The following EIF3K variants were observed in gnomAD, a reference collection of about 807,000 sequenced individuals.
EIF3K encodes the protein eIF-3 p28.
In EIF3K, 27 loss-of-function variants were observed where a neutral mutation model predicts 34.2. That is an observed-to-expected ratio of 0.79 (90% CI 0.58 to 1.09). The LOEUF (loss-of-function observed/expected upper bound fraction) is 1.09, where lower values mean the gene tolerates loss of function less well. Among genes scored for constraint, EIF3K ranks in the 50% least tolerant of loss-of-function variants. The probability of loss-of-function intolerance (pLI) is 0.00; values close to 1 mark genes in which losing one functional copy is unlikely to be tolerated. For synonymous variants in EIF3K, 105 were observed against 105.7 expected (o/e 0.99, Z 0.04); for missense variants, 232 against 275.4 (o/e 0.84, Z 1.11).
chr19:38,632,543 A>T (rs1401921142), intron 5 of EIF3K, 47 bp downstream of exon 5: 9 of 1,613,438 alleles, frequency 5.6e-6, no homozygotes, highest in African/African-American at 1.3e-5. Context: ...AGGGGTAGGG[A>T]GTGGCAGCCA....
In EIF3K at chr19:38,620,454, G is replaced by A. The variant is rs1293100925; in HGVS notation, c.158+19G>A. ...TGAAGCTGTAAGTGTCTAGCTCTCT[G>A]TCTACACTCCCATTGCAGCAACTAG... On this transcript the variant is annotated intron_variant, in intron 2 of 7. Coordinates refer to ENST00000248342, the MANE Select transcript of EIF3K (RefSeq NM_013234.4). 4 of 1,607,638 alleles carry A rather than the reference G, an allele frequency of 2.5e-6. No homozygotes were observed. Among genetic ancestry groups the A allele is most frequent in the African/African-American group, 1.3e-5 (1 of 74,782 alleles).
At position 38,621,679 on chromosome 19, in the gene EIF3K, A is replaced by G. The variant is rs183019730; in HGVS notation, c.158+1244A>G. Among the ~76,000 whole-genome samples, 12 of 152,270 alleles carry G rather than the reference A, an allele frequency of 7.9e-5. 1 individual carries two copies. The highest frequency in any genetic ancestry group is 7.9e-4 in the Admixed American group (12 of 15,274). On this transcript the variant is annotated intron_variant, in intron 2 of 7. Transcript: ENST00000248342. The stretch of plus-strand genomic sequence containing the variant: ...CTCAGCTCAGGTTTCCCTGCTTTGA[A>G]CTTGATACAGATGGAGTGCATACAG...
chr19:38,627,814 T>C (rs1975980098), intron 4 of EIF3K, among the ~76,000 whole-genome samples: 1 of 152,110 alleles, frequency 6.6e-6, no homozygotes, highest in Non-Finnish European at 1.5e-5. Flanking sequence ...GCCAGCTATC[T>C]TGTGCTACAC....
rs141857623 is a variant in EIF3K at position 38,622,875 on chromosome 19, G to T, written c.159-1202G>T. 4.6e-3 allele frequency among the ~76,000 whole-genome samples: 706 copies of T among 152,350 alleles called. 22 individuals carry two copies. In the East Asian group the frequency reaches 0.09, roughly 19 times the overall value. ...TTGCTTTTGAAAGAAGAGAAATATG[G>T]CTCTGTTCTGCCCGGCTCACCGGCA... On this transcript the variant is annotated intron_variant, in intron 2 of 7. Transcript: ENST00000248342.
intron 4 of EIF3K, chr19:38,628,475 C>T (rs963569343): frequency 6.6e-6 from 1 of 152,526 alleles, no homozygotes; most frequent in Non-Finnish European, 1.5e-5. Context: ...TGGGCCTGAC[C>T]ATTAGCTCCA....
In EIF3K at chr19:38,626,064, G is replaced by A. The variant is rs766512679; in HGVS notation, c.316G>A (p.Gly106Arg). Residue 106 changes from glycine to arginine, a missense_variant, in exon 4 of 8, where the codon GGG becomes AGG. Gly to Arg is a moderately radical substitution (Grantham distance 125). Coordinates refer to ENST00000248342, the MANE Select transcript of EIF3K (RefSeq NM_013234.4). ...ERPIRQILYL[G>R]DLLETCHFQA... ...GCCAATCCGACAGATTTTGTACCTCGGGGACCTGCTGGAGACCTGCCATTT... is the reference window on the plus strand; with the variant it reads ...GCCAATCCGACAGATTTTGTACCTCAGGGACCTGCTGGAGACCTGCCATTT... 33 of 1,614,038 alleles carry A rather than the reference G, an allele frequency of 2.0e-5. No homozygotes were observed. Among genetic ancestry groups the A allele is most frequent in the African/African-American group, 4.0e-5 (3 of 74,918 alleles).
chr19:38,626,128 G>T, intron 4 of EIF3K, 26 bp downstream of exon 4: 1 of 1,606,838 alleles, frequency 6.2e-7, no homozygotes, highest in Non-Finnish European at 8.5e-7. Context: ...TCCAGGGGCA[G>T]GGGAGATGGC....
At chr19:38,625,710 A>T (rs190227033) in intron 3 of EIF3K, among the ~76,000 whole-genome samples, 112 of 151,474 alleles carry the variant, frequency 7.4e-4, no homozygotes, top group African/African-American at 2.5e-3. Context: ...GGGTTTCGCT[A>T]TGTTGGCCAG....
chr19:38,634,056 C>T (rs374053746), intron 6 of EIF3K, among the ~76,000 whole-genome samples: 2 of 140,594 alleles, frequency 1.4e-5, no homozygotes, highest in African/African-American at 2.6e-5. Flanking sequence ...GGATTACAGG[C>T]GTGAGCCGCT....
intron 7 of EIF3K, 23 bp from the exon 8 acceptor site, chr19:38,636,866 G>A (rs780375651): frequency 3.0e-5 from 48 of 1,614,022 alleles, no homozygotes; most frequent in Non-Finnish European, 3.5e-5. Flanking sequence ...CTCACCTTCA[G>A]TCTGGTCTCT....
intron 7 of EIF3K, among the ~76,000 whole-genome samples, chr19:38,636,288 G>T (rs1328516107): frequency 6.6e-6 from 1 of 152,166 alleles, no homozygotes; most frequent in Non-Finnish European, 1.5e-5. Context: ...CAGCCCTGCC[G>T]GGGGAGTAGA....
chr19:38,624,072 C>G lies in EIF3K; in HGVS notation c.159-5C>G, dbSNP rs1004236215. On this transcript the variant is annotated splice_region_variant and splice_polypyrimidine_tract_variant and intron_variant, in intron 2 of 7. Transcript: ENST00000248342. Reference sequence around the variant, plus strand: ...TGTGGCCACGTCTCTTGTTCTTTTTCTTAGGTACCAGTTCAACCCAGCCTT... The same window carrying G: ...TGTGGCCACGTCTCTTGTTCTTTTTGTTAGGTACCAGTTCAACCCAGCCTT... 3 of 1,613,964 alleles carry G rather than the reference C, an allele frequency of 1.9e-6. No homozygotes were observed. The African/African-American group carries it at 4.0e-5, about 22-fold the overall frequency.
At chr19:38,619,956 T>C (rs1975804257) in intron 1 of EIF3K, among the ~76,000 whole-genome samples, 1 of 151,896 alleles carries the variant, frequency 6.6e-6, no homozygotes, top group Non-Finnish European at 1.5e-5. Context: ...ATGGAGGAAG[T>C]AGGCAGCGAG....
chr19:38,636,077 C>T (rs1466246928), intron 7 of EIF3K, among the ~76,000 whole-genome samples: 2 of 152,218 alleles, frequency 1.3e-5, no homozygotes, highest in Admixed American at 6.5e-5. Flanking sequence ...CTCTAAACGC[C>T]GCGTGACTGC....
chr19:38,630,375 C>T (rs1003136735), intron 4 of EIF3K, among the ~76,000 whole-genome samples: 40 of 143,980 alleles, frequency 2.8e-4, no homozygotes, highest in Admixed American at 1.8e-3. Flanking sequence ...GATGGAGTCT[C>T]GCGCTGTCGC....
intron 4 of EIF3K, chr19:38,630,701 G>C (rs1320185833): frequency 6.6e-6 from 1 of 151,628 alleles, no homozygotes; most frequent in African/African-American, 2.4e-5. Context: ...TTTTGAGACA[G>C]AGCCTCCCTC....
chr19:38,632,949 C>G (rs2144780940), intron 6 of EIF3K: 1 of 411,340 alleles, frequency 2.4e-6, no homozygotes. Flanking sequence ...TGGGATGGCT[C>G]CAATTCATTC....
chr19:38,620,669 G>A (rs915437090), intron 2 of EIF3K, among the ~76,000 whole-genome samples: 1 of 152,078 alleles, frequency 6.6e-6, no homozygotes, highest in Non-Finnish European at 1.5e-5. Context: ...TGAGGCAGGC[G>A]GATCACCTGA....
chr19:38,625,993 C>G (rs373770163), intron 3 of EIF3K, 35 bp from the exon 4 acceptor site: 2 of 1,609,046 alleles, frequency 1.2e-6, no homozygotes, highest in South Asian at 2.2e-5. Context: ...CCTTACGCTC[C>G]GAGGCCAGTT....
Sources: gnomAD v4.1 joint callset for allele counts (sites outside exome capture counted in the v4.1 genomes callset) on GRCh38, gnomAD v4.1.1 for gene constraint, MANE v1.5 for transcripts, NCBI Gene and HGNC (gene_info 2026-07-23, HGNC 2026-07-21) for gene names.